PID1: variants seen among roughly 807,000 people sequenced by gnomAD.
PID1 encodes the protein PTB-containing, cubilin and LRP1-interacting protein.
In PID1, 10 loss-of-function variants were observed where a neutral mutation model predicts 19.1. The ratio of observed to expected loss-of-function variants is 0.52; its 90% CI spans 0.32 to 0.89. The LOEUF is 0.89. Among genes scored for constraint, PID1 ranks in the 40% least tolerant of loss-of-function variants. The pLI, the probability that PID1 is intolerant of heterozygous loss-of-function variation, is 0.03. For synonymous variants in PID1, 130 were observed against 116.0 expected (o/e 1.12, Z -0.78); for missense variants, 248 against 285.3 (o/e 0.87, Z 0.94).
intron 2 of PID1, among the ~76,000 whole-genome samples, chr2:229,103,926 C>T (rs1378644729): frequency 6.6e-6 from 1 of 152,162 alleles, no homozygotes; most frequent in African/African-American, 2.4e-5. Context: ...GTGATTCTGC[C>T]AGCCGTCTCT....
chr2:229,204,182 C>T (rs1691556602), intron 1 of PID1, among the ~76,000 whole-genome samples: 2 of 152,038 alleles, frequency 1.3e-5, no homozygotes, highest in African/African-American at 4.8e-5. Flanking sequence ...GTCTATTTAT[C>T]TGTTGTTTAT....
At chr2:229,207,194 G>A (rs1050028256) in intron 1 of PID1, among the ~76,000 whole-genome samples, 2 of 152,026 alleles carry the variant, frequency 1.3e-5, no homozygotes, top group South Asian at 2.1e-4. Flanking sequence ...GAGTAAGAAC[G>A]AGAATGCAAA....
chr2:229,237,203 A>G (rs948720733), intron 1 of PID1, among the ~76,000 whole-genome samples: 2 of 152,232 alleles, frequency 1.3e-5, no homozygotes, highest in African/African-American at 4.8e-5. Context: ...TAGAAACCCA[A>G]ACTAAACTTT....
At chr2:229,166,434 T>C (rs1690598836) in intron 1 of PID1, among the ~76,000 whole-genome samples, 2 of 152,182 alleles carry the variant, frequency 1.3e-5, no homozygotes, top group Non-Finnish European at 2.9e-5. Flanking sequence ...ATATGTCGAG[T>C]ATACCTCATT....
intron 1 of PID1, among the ~76,000 whole-genome samples, chr2:229,190,105 T>C (rs994620328): frequency 7.2e-5 from 11 of 152,200 alleles, no homozygotes; most frequent in African/African-American, 2.7e-4. Flanking sequence ...TTTTTTCCAC[T>C]GTATTCATTT....
intron 2 of PID1, among the ~76,000 whole-genome samples, chr2:229,100,226 G>A (rs1695049871): frequency 6.6e-6 from 1 of 152,178 alleles, no homozygotes; most frequent in African/African-American, 2.4e-5. Flanking sequence ...TGTCATAGCA[G>A]TCCAAAGTGA....
chr2:229,173,033 C>G (rs17676334), intron 1 of PID1, among the ~76,000 whole-genome samples: 15,347 of 152,140 alleles, frequency 0.1, 1,011 homozygotes, highest in South Asian at 0.24. Flanking sequence ...GGCCTCAATG[C>G]ACTTTTTGAA....
chr2:229,113,226 T>C, intron 2 of PID1, among the ~76,000 whole-genome samples: 2 of 151,930 alleles, frequency 1.3e-5, no homozygotes, highest in East Asian at 3.9e-4. Context: ...CTATATGAAT[T>C]TGTTGGAGTA....
chr2:229,183,895 T>TCCC (rs1480460897), intron 1 of PID1, among the ~76,000 whole-genome samples: 2 of 2,250 alleles, frequency 8.9e-4, no homozygotes, highest in African/African-American at 8.1e-3. Flanking sequence ...TATATATATA[T>TCCC]ATATATATAT....
chr2:229,152,267 G>A (rs945987817), intron 2 of PID1, among the ~76,000 whole-genome samples: 16 of 152,278 alleles, frequency 1.1e-4, no homozygotes, highest in African/African-American at 3.8e-4. Flanking sequence ...CTGAGTGCCT[G>A]AGTCAAAATT....
rs778222068 is a variant in PID1, at chr2:229,025,817, C to T, written c.469G>A (p.Asp157Asn). 6.2e-7 allele frequency: 1 copy of T among 1,614,178 alleles called. No homozygotes were observed. Among genetic ancestry groups the T allele is most frequent in the Non-Finnish European group, 8.5e-7 (1 of 1,180,036 alleles). Residue 157 changes from aspartate (D) to asparagine (N), a missense_variant, in exon 3 of 3, where the codon GAC (aspartate) becomes AAC (asparagine). Coordinates refer to ENST00000392055, the MANE Select transcript of PID1 (RefSeq NM_001100818.2). ...TGGCAGTCCATCTGGTAGGACAGGT[C>T]ATCATTGATCTCCCTGTAGACCCAG... ...FAWVYREIND[D>N]LSYQMDCHAV...
chr2:229,149,669 C>A (rs1331046021), intron 2 of PID1, among the ~76,000 whole-genome samples: 1 of 152,152 alleles, frequency 6.6e-6, no homozygotes, highest in Non-Finnish European at 1.5e-5. Flanking sequence ...TTCTTGGAAA[C>A]TGGTTTGTTT....
At chr2:229,076,576 A>G (rs1694562801) in intron 2 of PID1, among the ~76,000 whole-genome samples, 2 of 151,754 alleles carry the variant, frequency 1.3e-5, no homozygotes, top group South Asian at 4.2e-4. Context: ...CCAGTGTGTG[A>G]TATTTCCCTC....
chr2:229,104,631 T>C (rs1453046540), intron 2 of PID1, among the ~76,000 whole-genome samples: 2 of 152,162 alleles, frequency 1.3e-5, no homozygotes, highest in African/African-American at 4.8e-5. Flanking sequence ...ACTTAGGCAG[T>C]GCTCATTCAG....
chr2:229,047,376 T>C (rs1158104072), intron 2 of PID1, among the ~76,000 whole-genome samples: 1 of 152,186 alleles, frequency 6.6e-6, no homozygotes, highest in Non-Finnish European at 1.5e-5. Flanking sequence ...ATAGATGGTC[T>C]TTTGGTCCCA....
At chr2:229,108,370 T>G (rs1695220665) in intron 2 of PID1, among the ~76,000 whole-genome samples, 1 of 152,196 alleles carries the variant, frequency 6.6e-6, no homozygotes, top group South Asian at 2.1e-4. Flanking sequence ...CATAGAGCAC[T>G]GAGTGACAGA....
chr2:229,032,302 C>T (rs1693571461), intron 2 of PID1, among the ~76,000 whole-genome samples: 1 of 152,202 alleles, frequency 6.6e-6, no homozygotes, highest in Admixed American at 6.5e-5. Flanking sequence ...CTTCTGTGAG[C>T]ACATCCTCCT....
At chr2:229,064,768 A>G (rs1418344390) in intron 2 of PID1, among the ~76,000 whole-genome samples, 1 of 152,144 alleles carries the variant, frequency 6.6e-6, no homozygotes, top group Admixed American at 6.6e-5. Context: ...ATGGAACATG[A>G]TCATACTGGA....
At chr2:229,148,435 A>C (rs1438003971) in intron 2 of PID1, among the ~76,000 whole-genome samples, 1 of 152,152 alleles carries the variant, frequency 6.6e-6, no homozygotes, top group Non-Finnish European at 1.5e-5. Flanking sequence ...ACTCCACTGG[A>C]ACAAGGAGGT....
Sources: allele counts gnomAD v4.1 joint callset (sites outside exome capture counted in the v4.1 genomes callset), GRCh38; gene constraint gnomAD v4.1.1; transcripts MANE v1.5; gene names NCBI Gene and HGNC (gene_info 2026-07-23, HGNC 2026-07-21).